Variants in CADM1 observed in about 807,000 individuals in gnomAD.
CADM1 encodes the protein TSLC-1.
CADM1 carries 15 observed loss-of-function variants against 53.1 expected under a neutral mutation model. The ratio of observed to expected loss-of-function variants is 0.28; its 90% CI spans 0.19 to 0.44. The LOEUF (loss-of-function observed/expected upper bound fraction) is 0.44. CADM1 is among the 20% of genes least tolerant of loss of function. The pLI is 1.00. For synonymous variants in CADM1, 281 were observed against 243.0 expected (o/e 1.16, Z -1.45); for missense variants, 434 against 611.3 (o/e 0.71, Z 3.06).
At position 115,381,322 on chromosome 11, in the gene CADM1, A is replaced by G. The variant is rs200361931; in HGVS notation, c.124+122949T>C. 7.3e-4 allele frequency among the ~76,000 whole-genome samples: 111 copies of G among 152,018 alleles called. No homozygotes were observed. In the East Asian group the frequency reaches 0.02, roughly 27 times the overall value. ...AAAAAAAAAAAAGAAGGTGGTAACA[A>G]CAACTTTCAAGACTGTGCAAAATGC... On this transcript the variant is annotated intron_variant, in intron 1 of 11. Coordinates refer to ENST00000331581, the MANE Select transcript of CADM1 (RefSeq NM_001301043.2).
chr11:115,214,383 A>G (rs1941086848), intron 7 of CADM1: 1 of 566,690 alleles, frequency 1.8e-6, no homozygotes, highest in East Asian at 3.1e-5. Flanking sequence ...CAGCATGACC[A>G]AAGACTGTGA....
intron 6 of CADM1, among the ~76,000 whole-genome samples, chr11:115,216,673 C>T (rs917809507): frequency 6.6e-6 from 1 of 152,170 alleles, no homozygotes. Flanking sequence ...AGACCACTTT[C>T]CAGCTCCTAA....
At chr11:115,308,211 TAC>T (rs1555061188) in intron 1 of CADM1, among the ~76,000 whole-genome samples, 2 of 139,384 alleles carry the variant, frequency 1.4e-5, no homozygotes, top group African/African-American at 2.7e-5. Context: ...TATATATATA[TAC>T]ACACCTATGA....
intron 1 of CADM1, among the ~76,000 whole-genome samples, chr11:115,481,619 C>T (rs989965084): frequency 6.6e-6 from 1 of 152,180 alleles, no homozygotes; most frequent in Non-Finnish European, 1.5e-5. Flanking sequence ...CAGGGTCAAG[C>T]ACATCCTCTT....
chr11:115,495,813 T>C (rs1336708574), intron 1 of CADM1, among the ~76,000 whole-genome samples: 3 of 152,136 alleles, frequency 2.0e-5, no homozygotes, highest in Non-Finnish European at 4.4e-5. Flanking sequence ...TATTTATTAT[T>C]TTCTGGTAAC....
Position 115,170,546 on chromosome 11 carries a change from C to A in CADM1, c.*5928G>T, listed in dbSNP as rs1269003786. Reference sequence around the variant, plus strand: ...CACCTGAAAACAGAGAAGATTCTTGCTTTCAGGTCTCAGTTCAGGGATGCT... The same window carrying A: ...CACCTGAAAACAGAGAAGATTCTTGATTTCAGGTCTCAGTTCAGGGATGCT... On this transcript the variant is annotated 3_prime_UTR_variant, in exon 12 of 12. Transcript: ENST00000331581. The A allele has an allele frequency of 8.2e-6, 1 of 121,284 alleles. No homozygotes were observed. The highest frequency in any genetic ancestry group is 2.8e-4 in the South Asian group (1 of 3,584). The allele number at this position is 121,284 out of a possible 1,614,324, so 7.5% of individuals were successfully genotyped here. A position where few individuals can be genotyped will look rare whatever the true frequency, so the allele number is the denominator to read the frequency against.
chr11:115,377,059 T>C (rs1946456589), intron 1 of CADM1: 1 of 152,172 alleles, frequency 6.6e-6, no homozygotes, highest in Non-Finnish European at 1.5e-5. Flanking sequence ...AATAATACCA[T>C]AAACCATCAT....
At chr11:115,309,344 G>A (rs1407233517) in intron 1 of CADM1, among the ~76,000 whole-genome samples, 8 of 152,072 alleles carry the variant, frequency 5.3e-5, no homozygotes, top group Non-Finnish European at 1.2e-4. Flanking sequence ...TATAAGATTA[G>A]CTTTAACCCA....
intron 1 of CADM1, among the ~76,000 whole-genome samples, chr11:115,339,351 T>C (rs1331063905): frequency 6.6e-6 from 1 of 152,118 alleles, no homozygotes; most frequent in Non-Finnish European, 1.5e-5. Context: ...GCAGCACTAT[T>C]CACAATAGCA....
At chr11:115,451,045 T>A (rs314475) in intron 1 of CADM1, among the ~76,000 whole-genome samples, 1 of 152,158 alleles carries the variant, frequency 6.6e-6, no homozygotes, top group Non-Finnish European at 1.5e-5. Context: ...GCTCATTCTG[T>A]GGTGACTTTT....
At chr11:115,434,569 G>A (rs529302052) in intron 1 of CADM1, among the ~76,000 whole-genome samples, 15 of 152,246 alleles carry the variant, frequency 9.9e-5, no homozygotes, top group Admixed American at 9.8e-4. Context: ...ACAGAGATGA[G>A]AACAGTTCTC....
Position 115,504,375 on chromosome 11 carries a change from G to C in CADM1, c.20C>G (p.Pro7Arg), listed in dbSNP as rs561567580. The change falls in exon 1 of 12, where the codon CCG becomes CGG. Residue 7 changes from proline to arginine, a missense_variant. By Grantham distance (103) the Pro-to-Arg change is moderately radical. Transcript: ENST00000331581. ...TGCCGCCGCACACTGGGATCCGCTCGGCAGCACTACACTCGCCATGTCGGG... is the reference window on the plus strand; with the variant it reads ...TGCCGCCGCACACTGGGATCCGCTCCGCAGCACTACACTCGCCATGTCGGG... MASVVL[P>R]SGSQCAAAAA... 334 of 1,547,510 alleles carry C rather than the reference G, an allele frequency of 2.2e-4. 2 individuals are homozygous for C. In the African/African-American group the frequency reaches 3.3e-3, roughly 15 times the overall value.
intron 1 of CADM1, among the ~76,000 whole-genome samples, chr11:115,299,389 C>T (rs1591685325): frequency 6.6e-6 from 1 of 152,106 alleles, no homozygotes; most frequent in Middle Eastern, 3.4e-3. Flanking sequence ...TTTTGTTTAC[C>T]AGCAGTGAGA....
rs564215206 is a variant in CADM1, at chr11:115,299,249, C to T, written c.125-58829G>A. On this transcript the variant is annotated intron_variant, in intron 1 of 11. Transcript: ENST00000331581. ...GCACACTCTCCCTTATGCTCAAGTACAGTATTTAATACAGCTGAACATGGC... is the reference window on the plus strand; with the variant it reads ...GCACACTCTCCCTTATGCTCAAGTATAGTATTTAATACAGCTGAACATGGC... Among the ~76,000 whole-genome samples, 7 of 152,238 alleles carry T rather than the reference C, an allele frequency of 4.6e-5. No homozygotes were observed. The South Asian group carries it at 1.5e-3, about 32-fold the overall frequency.
Position 115,217,884 on chromosome 11 carries a change from G to A in CADM1, c.821+8C>T. ...GACCCTCTGCCAACTTTGGCCTTCAGAACTTACTGGGGCTTCCCGATGGCT... is the reference window on the plus strand; with the variant it reads ...GACCCTCTGCCAACTTTGGCCTTCAAAACTTACTGGGGCTTCCCGATGGCT... On this transcript the variant is annotated splice_region_variant and intron_variant, in intron 6 of 11. Transcript: ENST00000331581. 3 of 1,607,296 alleles carry A rather than the reference G, an allele frequency of 1.9e-6. No individual in the cohort carries two copies. Among genetic ancestry groups the A allele is most frequent in the Non-Finnish European group, 2.6e-6 (3 of 1,173,958 alleles).
At position 115,504,293 on chromosome 11, in the gene CADM1, G is replaced by A. The variant is rs752746586; in HGVS notation, c.102C>T (p.Ser34=). ...LRLRLLLLLF[S]AAALIPTGDG... is the part of the protein sequence containing the mutation. ...TACCTGTGGGGATCAGTGCCGCGGC[G>A]GAGAAGAGCAACAGCAGAAGCCGGA... is the stretch of plus-strand genomic sequence containing the variant. The change falls in exon 1 of 12, where the codon TCC becomes TCT. Residue 34 remains serine, a synonymous_variant. Transcript: ENST00000331581. 5 of 1,567,994 alleles carry A rather than the reference G, an allele frequency of 3.2e-6. No individual in the cohort carries two copies. The East Asian group carries it at 7.1e-5, about 22-fold the overall frequency.
At chr11:115,245,176 G>T (rs571608802) in intron 1 of CADM1, among the ~76,000 whole-genome samples, 1 of 152,268 alleles carries the variant, frequency 6.6e-6, no homozygotes, top group East Asian at 1.9e-4. Flanking sequence ...ACAGTCCCTT[G>T]TAGCAAAATC....
chr11:115,443,664 T>C (rs1948379589), intron 1 of CADM1, among the ~76,000 whole-genome samples: 1 of 152,192 alleles, frequency 6.6e-6, no homozygotes, highest in African/African-American at 2.4e-5. Flanking sequence ...TTACAAATAG[T>C]CCCAAAAGGA....
At chr11:115,318,384 T>A (rs191469683) in intron 1 of CADM1, among the ~76,000 whole-genome samples, 1 of 152,246 alleles carries the variant, frequency 6.6e-6, no homozygotes, top group East Asian at 1.9e-4. Flanking sequence ...CTGAAACACA[T>A]CTATGCTTAG....
Sources: gnomAD v4.1 joint callset for allele counts (sites outside exome capture counted in the v4.1 genomes callset) on GRCh38, gnomAD v4.1.1 for gene constraint, MANE v1.5 for transcripts, NCBI Gene and HGNC (gene_info 2026-07-23, HGNC 2026-07-21) for gene names.